Variants in DLG2 observed in about 807,000 individuals in gnomAD.
The protein encoded by DLG2 is discs large MAGUK scaffold protein 2.
Under a neutral mutation model 132.5 loss-of-function variants are expected in DLG2, and 45 were observed. That is an observed-to-expected ratio of 0.34 (90% CI 0.27 to 0.44). The LOEUF (loss-of-function observed/expected upper bound fraction) is 0.44, where lower values mean the gene tolerates loss of function less well. DLG2 is among the 20% of genes least tolerant of loss of function. DLG2 has a pLI of 1.00. For missense variants in DLG2, 1,045 were observed against 1,196.9 expected (o/e 0.87, Z 1.87); for synonymous variants, 424 against 419.6 (o/e 1.01, Z -0.13).
intron 6 of DLG2, among the ~76,000 whole-genome samples, chr11:84,863,394 AAGTG>A (rs2084054311): frequency 6.6e-6 from 1 of 152,164 alleles, no homozygotes; most frequent in Non-Finnish European, 1.5e-5. Context: ...TTTCTCAGTT[AAGTG>A]AGTGTCTCAG....
At chr11:83,824,888 T>C (rs1565217513) in intron 17 of DLG2, among the ~76,000 whole-genome samples, 1 of 152,020 alleles carries the variant, frequency 6.6e-6, no homozygotes, top group African/African-American at 2.4e-5. Context: ...CAATGTACTA[T>C]TTTCACTGCA....
At chr11:85,411,596 T>C (rs1014727021) in intron 3 of DLG2, among the ~76,000 whole-genome samples, 1 of 151,954 alleles carries the variant, frequency 6.6e-6, no homozygotes, top group Non-Finnish European at 1.5e-5. Flanking sequence ...CTAATTGTGA[T>C]GATCAATGTC....
chr11:84,189,880 A>G (rs1309982542), intron 8 of DLG2, among the ~76,000 whole-genome samples: 1 of 152,032 alleles, frequency 6.6e-6, no homozygotes, highest in Non-Finnish European at 1.5e-5. Flanking sequence ...CACTGGGCTT[A>G]ATACCTAGGT....
intron 3 of DLG2, among the ~76,000 whole-genome samples, chr11:85,353,123 A>G (rs907003733): frequency 3.3e-5 from 5 of 152,256 alleles, no homozygotes; most frequent in African/African-American, 1.2e-4. Flanking sequence ...TCTACAAGGA[A>G]CTTAAACAAA....
At chr11:83,513,527 G>C (rs1159500547) in intron 21 of DLG2, among the ~76,000 whole-genome samples, 2 of 152,144 alleles carry the variant, frequency 1.3e-5, no homozygotes, top group Non-Finnish European at 2.9e-5. Context: ...AAGCTCTTTA[G>C]TTTAATTAGA....
intron 4 of DLG2, among the ~76,000 whole-genome samples, chr11:85,157,732 GAC>G (rs1429494792): frequency 6.6e-6 from 1 of 152,138 alleles, no homozygotes; most frequent in African/African-American, 2.4e-5. Context: ...TGGGAAAACA[GAC>G]ACAAGCCCTT....
At chr11:84,870,649 G>A (rs1420642607) in intron 6 of DLG2, among the ~76,000 whole-genome samples, 1 of 152,082 alleles carries the variant, frequency 6.6e-6, no homozygotes, top group Admixed American at 6.6e-5. Flanking sequence ...GTGTCTTCCT[G>A]CCTATTTACA....
intron 4 of DLG2, among the ~76,000 whole-genome samples, chr11:85,239,637 C>T (rs118164077): frequency 6.6e-6 from 1 of 151,950 alleles, no homozygotes; most frequent in Admixed American, 6.6e-5. Flanking sequence ...GTGGTTTTGA[C>T]TTTATAAAAG....
At chr11:85,435,743 A>G (rs1160352289) in intron 3 of DLG2, among the ~76,000 whole-genome samples, 1 of 152,226 alleles carries the variant, frequency 6.6e-6, no homozygotes, top group Non-Finnish European at 1.5e-5. Flanking sequence ...TACCCAAAGT[A>G]ATTTAAATAT....
intron 7 of DLG2, among the ~76,000 whole-genome samples, chr11:84,498,939 A>T (rs2099193838): frequency 6.6e-6 from 1 of 152,196 alleles, no homozygotes; most frequent in African/African-American, 2.4e-5. Context: ...GCTTTTGTCC[A>T]ATACACTGAA....
chr11:83,579,844 C>T (rs1210247490), intron 19 of DLG2, among the ~76,000 whole-genome samples: 2 of 151,910 alleles, frequency 1.3e-5, no homozygotes, highest in African/African-American at 4.8e-5. Flanking sequence ...GTGGCATGTG[C>T]CTATGGTCCC....
chr11:84,921,745 T>A (rs905961504), intron 6 of DLG2, among the ~76,000 whole-genome samples: 1 of 152,180 alleles, frequency 6.6e-6, no homozygotes, highest in African/African-American at 2.4e-5. Context: ...TTACTGAGTT[T>A]ACAAAACAAT....
rs532033571 is a variant in DLG2, at chr11:84,831,107, G to C, written c.357+280554C>G. On this transcript the variant is annotated intron_variant, in intron 6 of 27. Coordinates refer to ENST00000376104, the MANE Select transcript of DLG2 (RefSeq NM_001142699.3). ...TTGAGAACATGCATTTCTAGGAGTTGCACAGATATAGAATTCTGAATATCA... is the reference window on the plus strand; with the variant it reads ...TTGAGAACATGCATTTCTAGGAGTTCCACAGATATAGAATTCTGAATATCA... Among the ~76,000 whole-genome samples, 23 of 151,434 alleles carry C rather than the reference G, an allele frequency of 1.5e-4. No individual in the cohort carries two copies. In the South Asian group the frequency reaches 2.7e-3, roughly 18 times the overall value.
chr11:84,015,577 C>T (rs984852496), intron 11 of DLG2, among the ~76,000 whole-genome samples: 2 of 152,058 alleles, frequency 1.3e-5, no homozygotes, highest in Admixed American at 6.6e-5. Context: ...CTTGTTTCCC[C>T]CCATGTGTCC....
Position 85,270,722 on chromosome 11 carries a change from G to T in DLG2, c.186+14498C>A, listed in dbSNP as rs539382467. Among the ~76,000 whole-genome samples the T allele has an allele frequency of 2.6e-5, 4 of 152,326 alleles. No homozygotes were observed. In the South Asian group the frequency reaches 6.2e-4, roughly 24 times the overall value. Reference sequence around the variant, plus strand: ...GAACTTGTTGGGAACTGGAGTGAAGGTGACTCTTGTTATGGTTTAGCAAAG... The same window carrying T: ...GAACTTGTTGGGAACTGGAGTGAAGTTGACTCTTGTTATGGTTTAGCAAAG... On this transcript the variant is annotated intron_variant, in intron 4 of 27. Coordinates refer to ENST00000376104, the MANE Select transcript of DLG2 (RefSeq NM_001142699.3).
chr11:85,508,734 C>A (rs1281511505), intron 3 of DLG2, among the ~76,000 whole-genome samples: 1 of 151,972 alleles, frequency 6.6e-6, no homozygotes, highest in African/African-American at 2.4e-5. Context: ...TATTTGTGTT[C>A]TTTGTATTTT....
intron 17 of DLG2, among the ~76,000 whole-genome samples, chr11:83,788,980 A>G (rs778529177): frequency 2.0e-5 from 3 of 152,252 alleles, no homozygotes; most frequent in Non-Finnish European, 4.4e-5. Flanking sequence ...ACATTTCTTT[A>G]CAATTTTTTA....
chr11:83,514,049 T>C (rs1334771273), intron 21 of DLG2, among the ~76,000 whole-genome samples: 1 of 152,128 alleles, frequency 6.6e-6, no homozygotes, highest in Non-Finnish European at 1.5e-5. Context: ...AAAGTAGTTT[T>C]TTCCAATTCT....
At chr11:83,598,953 T>G (rs943871598) in intron 19 of DLG2, among the ~76,000 whole-genome samples, 9 of 152,202 alleles carry the variant, frequency 5.9e-5, no homozygotes, top group Non-Finnish European at 8.8e-5. Flanking sequence ...TACCTCCAGC[T>G]GGCTTTCATC....
Sources: gnomAD v4.1 joint callset for allele counts (sites outside exome capture counted in the v4.1 genomes callset) on GRCh38, gnomAD v4.1.1 for gene constraint, MANE v1.5 for transcripts, NCBI Gene and HGNC (gene_info 2026-07-23, HGNC 2026-07-21) for gene names.